TFEB: variants seen among roughly 807,000 people sequenced by gnomAD.
TFEB encodes the protein transcription factor EB.
Under a neutral mutation model 48.0 loss-of-function variants are expected in TFEB, and 12 were observed. The ratio of observed to expected loss-of-function variants is 0.25; its 90% CI spans 0.16 to 0.40. The LOEUF is 0.40. Among genes scored for constraint, TFEB ranks in the 10% least tolerant of loss-of-function variants. The pLI is 1.00. For synonymous variants in TFEB, 244 were observed against 261.4 expected, an observed-to-expected ratio of 0.93 and a Z score of 0.64; for missense variants, 509 against 640.3, an observed-to-expected ratio of 0.79 and a Z score of 2.21.
At chr6:41,712,212 A>G (rs1267955477) in intron 1 of TFEB, among the ~76,000 whole-genome samples, 1 of 152,156 alleles carries the variant, frequency 6.6e-6, no homozygotes, top group Non-Finnish European at 1.5e-5. Context: ...CATGTTTCTC[A>G]CAAGCACACA....
chr6:41,703,937 G>A (rs570934416), intron 1 of TFEB, among the ~76,000 whole-genome samples: 2 of 152,314 alleles, frequency 1.3e-5, no homozygotes, highest in East Asian at 3.9e-4. Context: ...CAGAACTGGG[G>A]CACCTGGTCT....
At chr6:41,706,813 C>T (rs1770248181) in intron 1 of TFEB, among the ~76,000 whole-genome samples, 1 of 151,960 alleles carries the variant, frequency 6.6e-6, no homozygotes, top group Non-Finnish European at 1.5e-5. Context: ...CAACCTGCCC[C>T]CATCTCCCCC....
At chr6:41,732,567 C>G (rs1771498629) in intron 1 of TFEB, 9 of 985,728 alleles carry the variant, frequency 9.1e-6, no homozygotes, top group Middle Eastern at 5.2e-4. Flanking sequence ...ACCCACATTC[C>G]TAGACACTTT....
At chr6:41,688,990 C>T (rs2235836) in intron 4 of TFEB, among the ~76,000 whole-genome samples, 115,095 of 152,148 alleles carry the variant, frequency 0.76, 43,811 homozygotes, top group African/African-American at 0.84. Flanking sequence ...TCCCACCTGC[C>T]CAGCGTACAC....
At chr6:41,697,448 TAG>T (rs1769659491) in intron 1 of TFEB, among the ~76,000 whole-genome samples, 2 of 116,278 alleles carry the variant, frequency 1.7e-5, no homozygotes, top group Non-Finnish European at 3.5e-5. Context: ...AGACGTTAAA[TAG>T]TTTAAAAGAA....
chr6:41,700,765 T>C (rs1769876927), intron 1 of TFEB, among the ~76,000 whole-genome samples: 1 of 152,182 alleles, frequency 6.6e-6, no homozygotes, highest in Non-Finnish European at 1.5e-5. Context: ...GCCCACTTAA[T>C]GGCCTCCTGT....
At chr6:41,722,192 C>G (rs1264219836) in intron 1 of TFEB, among the ~76,000 whole-genome samples, 1 of 152,206 alleles carries the variant, frequency 6.6e-6, no homozygotes, top group African/African-American at 2.4e-5. Context: ...GTTGGCCAGG[C>G]TGGTCTCAAA....
At chr6:41,690,593 G>T in intron 3 of TFEB, 70 bp downstream of exon 3, 36 of 1,440,532 alleles carry the variant, frequency 2.5e-5, no homozygotes, top group Non-Finnish European at 3.3e-5. Context: ...ATTAGACTGG[G>T]AGTCTCAGAA....
At chr6:41,688,155 C>T in intron 4 of TFEB, 127 bp from the exon 5 acceptor site, 2 of 1,210,548 alleles carry the variant, frequency 1.7e-6, no homozygotes, top group South Asian at 3.1e-5. Context: ...CACCTTGGGC[C>T]CTTTCACCCA....
chr6:41,734,365 G>A lies in TFEB; in HGVS notation c.-23+985C>T. ...GCGGCTGCGGCGCGAACCTGCTCGCGCAGCCCGGAGCAGCTCGGGGCAGCC... is the reference window on the plus strand; with the variant it reads ...GCGGCTGCGGCGCGAACCTGCTCGCACAGCCCGGAGCAGCTCGGGGCAGCC... On this transcript the variant is annotated intron_variant, in intron 1 of 8. Transcript: ENST00000373033. The surrounding 1 kb of genome is among the most constrained non-coding windows in gnomAD (Gnocchi z 4.0). 2.0e-6 allele frequency: 2 copies of A among 984,912 alleles called. No homozygotes were observed. The highest frequency in any genetic ancestry group is 2.4e-6 in the Non-Finnish European group (2 of 829,700). The allele number at this position is 984,912 out of a possible 1,614,324, so 61.0% of individuals were successfully genotyped here. A position where few individuals can be genotyped will look rare whatever the true frequency, so the allele number is the denominator to read the frequency against.
Position 41,720,483 on chromosome 6 carries a change from T to C in TFEB, c.-23+14867A>G, listed in dbSNP as rs923156453. ...TAACCCACCCAGAGCTCTTCATACT[T>C]CCTGCAGCCGGTTCATCCACAATAG... is the stretch of plus-strand genomic sequence containing the variant. On this transcript the variant is annotated intron_variant, in intron 1 of 8. Transcript: ENST00000373033. This position sits in a 1 kb window ranked among gnomAD's most constrained non-coding sequence, Gnocchi z 4.1. 1 of 152,244 alleles carries C rather than the reference T, an allele frequency of 6.6e-6. No individual in the cohort carries two copies. The highest frequency in any genetic ancestry group is 6.5e-5 in the Admixed American group (1 of 15,276). The allele number at this position is 152,244 out of a possible 1,614,324, so 9.4% of individuals were successfully genotyped here. A position where few individuals can be genotyped will look rare whatever the true frequency, so the allele number is the denominator to read the frequency against.
rs971375912 is a variant in TFEB, at chr6:41,735,468, C to G, written c.-141G>C. ...CACCTGCTCCCGGCCTGCTCCGGCC[C>G]CGTGCCACCAGGGAGGCCCGCCCCG... is the stretch of plus-strand genomic sequence containing the variant. On this transcript the variant is annotated 5_prime_UTR_variant, in exon 1 of 9. Transcript: ENST00000373033. 237 of 984,658 alleles carry G rather than the reference C, an allele frequency of 2.4e-4. No homozygotes were observed. Among genetic ancestry groups the G allele is most frequent in the Non-Finnish European group, 2.8e-4 (233 of 829,752 alleles). 61.0% of individuals were successfully genotyped at this position (984,658 alleles called of 1,614,324 possible).
chr6:41,731,547 G>A (rs576637830), intron 1 of TFEB, among the ~76,000 whole-genome samples: 13 of 151,806 alleles, frequency 8.6e-5, no homozygotes, highest in African/African-American at 2.9e-4. Context: ...TAGAAGGTTC[G>A]CTTTGGAGGG....
chr6:41,688,152 G>T, intron 4 of TFEB, 124 bp from the exon 5 acceptor site: 1 of 1,251,928 alleles, frequency 8.0e-7, no homozygotes, highest in East Asian at 2.5e-5. Flanking sequence ...ATTCACCTTG[G>T]GCCCTTTCAC....
chr6:41,704,513 G>A (rs1009272896), intron 1 of TFEB, among the ~76,000 whole-genome samples: 1 of 152,244 alleles, frequency 6.6e-6, no homozygotes, highest in African/African-American at 2.4e-5. Flanking sequence ...CCAGCCATCT[G>A]GCTGGACAGT....
chr6:41,728,164 T>C (rs1394858648), intron 1 of TFEB, among the ~76,000 whole-genome samples: 9 of 152,262 alleles, frequency 5.9e-5, no homozygotes, highest in African/African-American at 1.9e-4. Flanking sequence ...TGCTCCTCTC[T>C]GCCCTCTGTG....
intron 1 of TFEB, among the ~76,000 whole-genome samples, chr6:41,696,878 A>G (rs1769615180): frequency 6.6e-6 from 1 of 152,186 alleles, no homozygotes; most frequent in Non-Finnish European, 1.5e-5. Context: ...TGAGTTCAAA[A>G]AAACGCAACA....
intron 4 of TFEB, 114 bp downstream of exon 4, chr6:41,689,617 A>G: frequency 1.3e-6 from 1 of 760,598 alleles, no homozygotes; most frequent in Non-Finnish European, 2.2e-6. Context: ...CTACAGAAAC[A>G]TGCCAGCTCT....
intron 8 of TFEB, among the ~76,000 whole-genome samples, chr6:41,685,566 A>G (rs1273932516): frequency 6.6e-6 from 1 of 152,188 alleles, no homozygotes; most frequent in Non-Finnish European, 1.5e-5. Flanking sequence ...CTCAACTCAG[A>G]GCCAGGACTA....
Sources: gnomAD v4.1 joint callset for allele counts (sites outside exome capture counted in the v4.1 genomes callset) on GRCh38, gnomAD v4.1.1 for gene constraint, Gnocchi (gnomAD v3.1) non-coding constraint, MANE v1.5 for transcripts, NCBI Gene and HGNC (gene_info 2026-07-23, HGNC 2026-07-21) for gene names.